PTP4A1: variants seen among roughly 807,000 people sequenced by gnomAD.
PTP4A1 encodes protein tyrosine phosphatase 4A1.
PTP4A1 carries 9 observed loss-of-function variants against 20.5 expected under a neutral mutation model. The ratio of observed to expected loss-of-function variants is 0.44; its 90% CI spans 0.26 to 0.77. PTP4A1 has a LOEUF of 0.77. PTP4A1 is among the 30% of genes least tolerant of loss of function. PTP4A1 has a pLI of 0.19. For synonymous variants in PTP4A1, 78 were observed against 67.4 expected, an observed-to-expected ratio of 1.16 and a Z score of -0.77; for missense variants, 137 against 218.8, an observed-to-expected ratio of 0.63 and a Z score of 2.36.
chr6:63,528,949 C>A (rs1489162633), intron 2 of PTP4A1, among the ~76,000 whole-genome samples: 2 of 151,586 alleles, frequency 1.3e-5, no homozygotes, highest in African/African-American at 4.8e-5. Flanking sequence ...ATTAGCTGGG[C>A]GTGGTGGCAC....
chr6:63,573,904 G>C (rs968207924), intron 1 of PTP4A1, among the ~76,000 whole-genome samples: 2 of 152,146 alleles, frequency 1.3e-5, no homozygotes, highest in African/African-American at 2.4e-5. Context: ...GGACTGTTTA[G>C]AACTATCCCT....
chr6:63,537,685 A>G (rs1007807204), intron 2 of PTP4A1, among the ~76,000 whole-genome samples: 2 of 152,230 alleles, frequency 1.3e-5, no homozygotes, highest in Non-Finnish European at 2.9e-5. Flanking sequence ...CAATCAGTCA[A>G]GGTTGATTAA....
At chr6:63,517,469 A>G (rs2149468973), upstream of PTP4A1, among the ~76,000 whole-genome samples, 1 of 152,338 alleles carries the variant, frequency 6.6e-6, no homozygotes, top group Non-Finnish European at 1.5e-5. Flanking sequence ...AAAGGTATGC[A>G]CACATGATGC....
chr6:63,565,527 G>C (rs1462763073), intron 3 of PTP4A1, among the ~76,000 whole-genome samples: 1 of 152,082 alleles, frequency 6.6e-6, no homozygotes, highest in African/African-American at 2.4e-5. Context: ...ATGATGACTT[G>C]ATAAGATGTT....
chr6:63,573,173 G>T, intron 1 of PTP4A1: 1 of 154,414 alleles, frequency 6.5e-6, no homozygotes, highest in Non-Finnish European at 1.4e-5. Flanking sequence ...TTGTTCGGCC[G>T]GAGGAGAGTG....
At position 63,545,758 on chromosome 6, in the gene PTP4A1, G is replaced by A. The variant is rs558970314; in HGVS notation, c.-639-4542G>A. Among the ~76,000 whole-genome samples the A allele has an allele frequency of 1.9e-4, 29 of 152,022 alleles. No homozygotes were observed. In the South Asian group the frequency reaches 6.0e-3, roughly 32 times the overall value. ...AACCAAAATCTGAATATTATTAGAC[G>A]TGCTCAAAATTCAATCCAATACTCT... On this transcript the variant is annotated intron_variant, in intron 2 of 3. Transcript: ENST00000639568.
At chr6:63,526,390 T>C (rs1250123141) in intron 1 of PTP4A1, among the ~76,000 whole-genome samples, 2 of 152,070 alleles carry the variant, frequency 1.3e-5, no homozygotes, top group African/African-American at 4.8e-5. Flanking sequence ...GATAACAAAG[T>C]TGAAATTCTA....
chr6:63,538,085 T>G (rs895734772), intron 2 of PTP4A1, among the ~76,000 whole-genome samples: 4 of 152,246 alleles, frequency 2.6e-5, no homozygotes, highest in Non-Finnish European at 4.4e-5. Context: ...TGGGAAAATT[T>G]TTTAAATTTG....
intron 2 of PTP4A1, among the ~76,000 whole-genome samples, chr6:63,545,478 G>A (rs1379087816): frequency 1.3e-5 from 2 of 152,108 alleles, no homozygotes. Context: ...GGGCGTGGTG[G>A]CACATGCCTG....
At chr6:63,519,190 C>T (rs1444557036), upstream of PTP4A1, among the ~76,000 whole-genome samples, 1 of 151,976 alleles carries the variant, frequency 6.6e-6, no homozygotes, top group Non-Finnish European at 1.5e-5. Flanking sequence ...GCCTGTAATC[C>T]CAGCTACTCA....
chr6:63,556,016 C>A (rs539917530), intron 3 of PTP4A1, among the ~76,000 whole-genome samples: 6 of 151,896 alleles, frequency 4.0e-5, no homozygotes, highest in South Asian at 2.1e-4. Flanking sequence ...TATTATTCAG[C>A]CTTTCTTTGG....
intron 2 of PTP4A1, among the ~76,000 whole-genome samples, chr6:63,530,386 G>C (rs1005336184): frequency 2.0e-5 from 3 of 152,170 alleles, no homozygotes; most frequent in African/African-American, 7.2e-5. Context: ...AGGCAGCCAG[G>C]AGTGGTTTGC....
intron 1 of PTP4A1, among the ~76,000 whole-genome samples, chr6:63,527,496 G>A (rs1367699290): frequency 6.6e-6 from 1 of 152,072 alleles, no homozygotes; most frequent in African/African-American, 2.4e-5. Context: ...TCAAAATGTA[G>A]AGGGTATAAA....
intron 2 of PTP4A1, among the ~76,000 whole-genome samples, chr6:63,578,129 C>T (rs1013457121): frequency 3.9e-5 from 6 of 152,032 alleles, no homozygotes; most frequent in Non-Finnish European, 8.8e-5. Context: ...CATCCCAATC[C>T]GGTATTACCA....
At chr6:63,528,665 G>A (rs1775300235) in intron 2 of PTP4A1, among the ~76,000 whole-genome samples, 1 of 152,156 alleles carries the variant, frequency 6.6e-6, no homozygotes. Context: ...GGAGGCTGAA[G>A]TGGGAGGATT....
At chr6:63,525,471 CT>C (rs1308466184) in intron 1 of PTP4A1, among the ~76,000 whole-genome samples, 9 of 152,212 alleles carry the variant, frequency 5.9e-5, no homozygotes, top group Non-Finnish European at 4.4e-5. Flanking sequence ...GCAGTTCTAG[CT>C]TTTTCTAGTA....
upstream of PTP4A1, among the ~76,000 whole-genome samples, chr6:63,518,775 A>T (rs1774821032): frequency 6.6e-6 from 1 of 152,230 alleles, no homozygotes; most frequent in African/African-American, 2.4e-5. Context: ...TCATAAATGT[A>T]CCTGGGAAGT....
intron 2 of PTP4A1, among the ~76,000 whole-genome samples, chr6:63,540,276 G>A (rs2149483225): frequency 6.6e-6 from 1 of 151,562 alleles, no homozygotes; most frequent in South Asian, 2.1e-4. Flanking sequence ...TAGAATCATA[G>A]ATAGATCTTA....
chr6:63,548,318 G>A (rs1776291887), intron 2 of PTP4A1, among the ~76,000 whole-genome samples: 1 of 152,186 alleles, frequency 6.6e-6, no homozygotes, highest in Non-Finnish European at 1.5e-5. Context: ...GCAATGTAAA[G>A]AAAATCACAA....
Sources: gnomAD v4.1 joint callset for allele counts (sites outside exome capture counted in the v4.1 genomes callset) on GRCh38, gnomAD v4.1.1 for gene constraint, MANE v1.5 for transcripts, NCBI Gene and HGNC (gene_info 2026-07-23, HGNC 2026-07-21) for gene names.